MAK: variants seen among roughly 807,000 people sequenced by gnomAD.
MAK encodes the protein serine/threonine-protein kinase MAK.
A neutral mutation model predicts 82.6 loss-of-function variants in MAK; 65 were observed. That is an observed-to-expected ratio of 0.79 (90% CI 0.64 to 0.97). The LOEUF is 0.97. Ranked by LOEUF, MAK falls within the 50% of genes least tolerant of loss-of-function variation. The pLI is 0.00. For missense variants in MAK, 703 were observed against 780.2 expected, an observed-to-expected ratio of 0.90 and a Z score of 1.18; for synonymous variants, 250 against 274.2, an observed-to-expected ratio of 0.91 and a Z score of 0.87.
At chr6:10,813,759 G>T in intron 4 of MAK, 36 bp from the exon 5 acceptor site, 1 of 1,204,088 alleles carries the variant, frequency 8.3e-7, no homozygotes, top group Non-Finnish European at 1.2e-6. Flanking sequence ...ATTCTGTTAA[G>T]CAACCAGCCA....
In MAK at chr6:10,822,901, T is replaced by TA. The variant is rs1297957533; in HGVS notation, c.102-3962dup. ...CTATCATAAAGTAAATAACTTTTTT[T>TA]AAAAAAAATTGCAGAAAAGACAAGA... On this transcript the variant is annotated intron_variant, in intron 2 of 14. Coordinates refer to ENST00000354489, the MANE Select transcript of MAK (RefSeq NM_001242957.3). Among the ~76,000 whole-genome samples, 4 of 152,086 alleles carry TA rather than the reference T, an allele frequency of 2.6e-5. No homozygotes were observed. The East Asian group carries it at 5.8e-4, about 22-fold the overall frequency.
chr6:10,813,011 C>G (rs1209076267), intron 5 of MAK, among the ~76,000 whole-genome samples: 1 of 140,906 alleles, frequency 7.1e-6, no homozygotes, highest in African/African-American at 2.6e-5. Flanking sequence ...GTGATCCCCC[C>G]CCCCGCCTCG....
chr6:10,830,867 T>A lies in MAK; in HGVS notation c.-219A>T. 1.8e-6 allele frequency: 1 copy of A among 553,762 alleles called. No homozygotes were observed. Among genetic ancestry groups the A allele is most frequent in the Non-Finnish European group, 3.3e-6 (1 of 306,398 alleles). 34.3% of individuals were successfully genotyped at this position (553,762 alleles called of 1,614,324 possible). Reference sequence around the variant, plus strand: ...GGGCAAGGAAACAACACTTCCATTCTTATAAACACCCTAAAGAAAGAAAAC... The same window carrying A: ...GGGCAAGGAAACAACACTTCCATTCATATAAACACCCTAAAGAAAGAAAAC... On this transcript the variant is annotated 5_prime_UTR_variant, in exon 2 of 15. It adds an upstream start codon to the 5' untranslated region. Transcript: ENST00000354489.
chr6:10,765,471 T>TTTTTTTTTTTTTTTTTTTTTA (rs1561923828), intron 14 of MAK, among the ~76,000 whole-genome samples: 1 of 114,958 alleles, frequency 8.7e-6, no homozygotes, highest in African/African-American at 3.4e-5. Flanking sequence ...TTTTTTTTTT[T>TTTTTTTTTTTTTTTTTTTTTA]TTAATGAGGC....
intron 6 of MAK, 139 bp from the exon 7 acceptor site, chr6:10,804,030 T>C: frequency 1.4e-6 from 1 of 735,386 alleles, no homozygotes; most frequent in Non-Finnish European, 2.4e-6. Flanking sequence ...GTGTCAGGCA[T>C]TTGTACAATG....
intron 14 of MAK, among the ~76,000 whole-genome samples, chr6:10,767,895 A>G (rs539913860): frequency 1.3e-5 from 2 of 152,308 alleles, no homozygotes; most frequent in South Asian, 4.1e-4. Context: ...AAATATGGTA[A>G]TGACCTGGTT....
chr6:10,823,994 C>T (rs1361372144), intron 2 of MAK, among the ~76,000 whole-genome samples: 1 of 87,960 alleles, frequency 1.1e-5, no homozygotes, highest in African/African-American at 3.3e-5. Flanking sequence ...GTTTTGGTAA[C>T]AAACAAAAAA....
chr6:10,766,999 G>A (rs1337197249), intron 14 of MAK, among the ~76,000 whole-genome samples: 1 of 152,172 alleles, frequency 6.6e-6, no homozygotes, highest in African/African-American at 2.4e-5. Context: ...AAGTACCTTT[G>A]GTGAAGAACC....
Position 10,768,553 on chromosome 6 carries a change from C to G in MAK, c.1792+1558G>C, listed in dbSNP as rs546080657. Among the ~76,000 whole-genome samples, 6 of 152,156 alleles carry G rather than the reference C, an allele frequency of 3.9e-5. No homozygotes were observed. The East Asian group carries it at 1.2e-3, about 29-fold the overall frequency. On this transcript the variant is annotated intron_variant, in intron 14 of 14. Coordinates refer to ENST00000354489, the MANE Select transcript of MAK (RefSeq NM_001242957.3). ...CTGAGATCACACCACTGCACTCCAGCCTGGGCAACAGAGCAAGACTCCATC... is the reference window on the plus strand; with the variant it reads ...CTGAGATCACACCACTGCACTCCAGGCTGGGCAACAGAGCAAGACTCCATC...
At chr6:10,769,930 A>G (rs893429801) in intron 14 of MAK, 181 bp downstream of exon 14, 1 of 1,126,720 alleles carries the variant, frequency 8.9e-7, no homozygotes, top group African/African-American at 1.6e-5. Flanking sequence ...TAATTATTAG[A>G]CCCTCAAATC....
chr6:10,775,405 T>TG lies in MAK; in HGVS notation c.1519dup (p.His507ProfsTer32), dbSNP rs748216114. ...GGGGAATAACTGGTTGCTCCAAGTG[T>TG]GGGGGTTTATTTCCTTTCCACTGGC... is the stretch of plus-strand genomic sequence containing the variant. On this transcript the variant is annotated frameshift_variant, in exon 12 of 15. Transcript: ENST00000354489. LOFTEE classifies it high-confidence loss of function. 3 of 1,613,964 alleles carry TG rather than the reference T, an allele frequency of 1.9e-6. No individual in the cohort carries two copies. Among genetic ancestry groups the TG allele is most frequent in the Non-Finnish European group, 2.5e-6 (3 of 1,179,888 alleles).
chr6:10,828,808 G>C (rs986589602), intron 2 of MAK, among the ~76,000 whole-genome samples: 2 of 151,944 alleles, frequency 1.3e-5, no homozygotes, highest in African/African-American at 4.8e-5. Flanking sequence ...AAAAAAGAGG[G>C]GGGAAATGTG....
At chr6:10,817,302 C>A (rs918956101) in intron 4 of MAK, among the ~76,000 whole-genome samples, 70 of 152,310 alleles carry the variant, frequency 4.6e-4, no homozygotes, top group African/African-American at 1.6e-3. Flanking sequence ...AACATTATCT[C>A]CCCAAGCCCA....
At chr6:10,797,427 T>C (rs183086926) in intron 8 of MAK, among the ~76,000 whole-genome samples, 1 of 152,296 alleles carries the variant, frequency 6.6e-6, no homozygotes, top group Admixed American at 6.5e-5. Context: ...TGGGGGACGC[T>C]ACTAGTGTCT....
At chr6:10,794,450 T>C (rs1775341742) in intron 9 of MAK, among the ~76,000 whole-genome samples, 1 of 152,106 alleles carries the variant, frequency 6.6e-6, no homozygotes, top group African/African-American at 2.4e-5. Context: ...ATTAACAGTA[T>C]GTTAGAATGT....
intron 11 of MAK, 26 bp downstream of exon 11, chr6:10,784,398 G>A (rs376962010): frequency 8.7e-6 from 14 of 1,613,062 alleles, no homozygotes; most frequent in South Asian, 4.4e-5. Context: ...CTAGTTAGCA[G>A]CAAACATTTT....
chr6:10,796,477 C>G (rs1424286097), intron 8 of MAK, among the ~76,000 whole-genome samples, 168 bp from the exon 9 acceptor site: 3 of 151,822 alleles, frequency 2.0e-5, no homozygotes, highest in African/African-American at 7.3e-5. Context: ...AAAAGATAAC[C>G]AGAAAAAAAT....
Position 10,793,848 on chromosome 6 carries a change from G to A in MAK, c.1144-2001C>T, listed in dbSNP as rs548724933. 3.3e-5 allele frequency among the ~76,000 whole-genome samples: 5 copies of A among 152,282 alleles called. No individual in the cohort carries two copies. Among genetic ancestry groups the A allele is most frequent in the African/African-American group, 9.6e-5 (4 of 41,538 alleles). ...AGGGGTCATGGGGAGGACTGTCATC[G>A]TTGGTGGCACGAGTGCACATATGGT... On this transcript the variant is annotated intron_variant, in intron 9 of 14. Transcript: ENST00000354489. This position sits in a 1 kb window ranked among gnomAD's most constrained non-coding sequence, Gnocchi z 4.6.
chr6:10,801,607 G>T (rs1214969536), intron 8 of MAK, among the ~76,000 whole-genome samples: 1 of 152,168 alleles, frequency 6.6e-6, no homozygotes, highest in African/African-American at 2.4e-5. Flanking sequence ...TCTGTCGCAG[G>T]TCTGAATTTT....
Sources: allele counts gnomAD v4.1 joint callset (sites outside exome capture counted in the v4.1 genomes callset), GRCh38; gene constraint gnomAD v4.1.1; non-coding constraint Gnocchi (gnomAD v3.1); transcripts MANE v1.5; gene names NCBI Gene and HGNC (gene_info 2026-07-23, HGNC 2026-07-21).